The following ITGA9 variants were observed in gnomAD, a reference collection of about 807,000 sequenced individuals.
ITGA9 encodes the protein integrin subunit alpha 9.
In ITGA9, 56 loss-of-function variants were observed where a neutral mutation model predicts 127.8. The ratio of observed to expected loss-of-function variants is 0.44; its 90% CI spans 0.35 to 0.55. The LOEUF (loss-of-function observed/expected upper bound fraction) is 0.55, where lower values mean the gene tolerates loss of function less well. Among genes scored for constraint, ITGA9 ranks in the 20% least tolerant of loss-of-function variants. The probability of loss-of-function intolerance (pLI) is 0.00; values close to 1 mark genes in which losing one functional copy is unlikely to be tolerated. For missense variants in ITGA9, 1,196 were observed against 1,347.1 expected (o/e 0.89, Z 1.76); for synonymous variants, 508 against 514.5 (o/e 0.99, Z 0.17).
intron 17 of ITGA9, among the ~76,000 whole-genome samples, chr3:37,683,105 G>T (rs1473570880): frequency 6.6e-6 from 1 of 152,188 alleles, no homozygotes; most frequent in African/African-American, 2.4e-5. Context: ...GGGATCTGCT[G>T]CCCCAACTCC....
In ITGA9 at chr3:37,802,388, G is replaced by T. The variant is rs143346489; in HGVS notation, c.2890-1435G>T. 7.0e-3 allele frequency among the ~76,000 whole-genome samples: 1,067 copies of T among 152,280 alleles called. 3 individuals are homozygous for T. Among genetic ancestry groups the T allele is most frequent in the Non-Finnish European group, 0.01 (683 of 68,012 alleles). On this transcript the variant is annotated intron_variant, in intron 26 of 27. Coordinates refer to ENST00000264741, the MANE Select transcript of ITGA9 (RefSeq NM_002207.3). ...AGGGGCTGGACCAGTGGGCTTCAGC[G>T]ATCAGTGAGGCTTCTTGACAGAGGA...
chr3:37,641,308 C>T (rs11708693), intron 16 of ITGA9, among the ~76,000 whole-genome samples: 47,363 of 151,928 alleles, frequency 0.31, 7,462 homozygotes, highest in Admixed American at 0.37. Flanking sequence ...CCCTCCACCG[C>T]CCGTTCATGG....
chr3:37,523,020 T>C (rs1287875860), intron 11 of ITGA9, among the ~76,000 whole-genome samples: 1 of 152,234 alleles, frequency 6.6e-6, no homozygotes, highest in Admixed American at 6.5e-5. Context: ...CACATGGCCA[T>C]CTTTTCCAGC....
intron 12 of ITGA9, among the ~76,000 whole-genome samples, chr3:37,524,935 TGAA>T (rs1699078071): frequency 6.6e-6 from 1 of 152,240 alleles, no homozygotes; most frequent in African/African-American, 2.4e-5. Context: ...TAAAGACTAT[TGAA>T]GAACAAAATT....
intron 17 of ITGA9, among the ~76,000 whole-genome samples, chr3:37,678,213 G>A (rs1258626205): frequency 6.6e-6 from 1 of 152,140 alleles, no homozygotes; most frequent in East Asian, 1.9e-4. Context: ...TGGGTTATAT[G>A]ACAATTCTAT....
intron 18 of ITGA9, among the ~76,000 whole-genome samples, chr3:37,727,579 A>T (rs1696228429): frequency 6.6e-6 from 1 of 152,228 alleles, no homozygotes. Context: ...AAGGCAAAAG[A>T]TTATTTGCTT....
chr3:37,539,159 G>C (rs1029601221), intron 14 of ITGA9, among the ~76,000 whole-genome samples: 6 of 152,188 alleles, frequency 3.9e-5, no homozygotes, highest in Non-Finnish European at 8.8e-5. Context: ...TAAAGTTGGT[G>C]TTTGTAAATT....
chr3:37,787,019 T>A (rs1408420889), intron 26 of ITGA9, among the ~76,000 whole-genome samples: 1 of 152,252 alleles, frequency 6.6e-6, no homozygotes. Flanking sequence ...GGTCAGTTTT[T>A]CTGGCAGGTC....
At chr3:37,476,802 C>T (rs771220142) in intron 3 of ITGA9, among the ~76,000 whole-genome samples, 35 of 152,092 alleles carry the variant, frequency 2.3e-4, no homozygotes, top group Admixed American at 2.0e-4. Flanking sequence ...GCCATATGTC[C>T]CCTTTTATGG....
chr3:37,715,736 T>C (rs1326636708), intron 18 of ITGA9, among the ~76,000 whole-genome samples: 2 of 152,214 alleles, frequency 1.3e-5, no homozygotes, highest in East Asian at 3.9e-4. Context: ...AAGCATGAGA[T>C]AGGACGAGAG....
At position 37,823,399 on chromosome 3, in the gene ITGA9, G is replaced by A. The variant is rs1697536234; in HGVS notation, c.*4410G>A. 6.6e-6 allele frequency: 1 copy of A among 152,286 alleles called. No homozygotes were observed. Among genetic ancestry groups the A allele is most frequent in the South Asian group, 2.1e-4 (1 of 4,826 alleles). 9.4% of individuals were successfully genotyped at this position (152,286 alleles called of 1,614,324 possible). On this transcript the variant is annotated 3_prime_UTR_variant, in exon 28 of 28. Coordinates refer to ENST00000264741, the MANE Select transcript of ITGA9 (RefSeq NM_002207.3). Reference sequence around the variant, plus strand: ...GGGGGAGGTTGTGCTGCCTCACAATGTCACGTGTATTAAAGTCTAAGCAGT... The same window carrying A: ...GGGGGAGGTTGTGCTGCCTCACAATATCACGTGTATTAAAGTCTAAGCAGT...
chr3:37,534,317 G>C (rs1699187594), intron 14 of ITGA9, among the ~76,000 whole-genome samples: 2 of 152,314 alleles, frequency 1.3e-5, no homozygotes, highest in East Asian at 3.9e-4. Flanking sequence ...GACTCCTTTT[G>C]CTACTCACAG....
intron 15 of ITGA9, among the ~76,000 whole-genome samples, chr3:37,621,457 T>C (rs541942468): frequency 6.6e-6 from 1 of 152,222 alleles, no homozygotes; most frequent in Admixed American, 6.5e-5. Context: ...CCACTGCTGC[T>C]ATATTCCATG....
intron 15 of ITGA9, among the ~76,000 whole-genome samples, chr3:37,558,164 G>A (rs927606417): frequency 1.3e-5 from 2 of 152,220 alleles, no homozygotes; most frequent in Admixed American, 1.3e-4. Flanking sequence ...GCAGGCAGGA[G>A]TCCTGGGGAC....
chr3:37,584,932 C>T (rs1699743192), intron 15 of ITGA9, among the ~76,000 whole-genome samples: 1 of 152,036 alleles, frequency 6.6e-6, no homozygotes, highest in African/African-American at 2.4e-5. Context: ...TGCTTTGTGC[C>T]CTTGGGAGGC....
chr3:37,666,384 C>T (rs967759916), intron 17 of ITGA9, among the ~76,000 whole-genome samples: 6 of 152,218 alleles, frequency 3.9e-5, no homozygotes, highest in African/African-American at 1.4e-4. Context: ...CCCAGAACTC[C>T]ATGACTTAAA....
intron 18 of ITGA9, among the ~76,000 whole-genome samples, chr3:37,719,235 G>T (rs1176619051): frequency 6.6e-6 from 1 of 152,130 alleles, no homozygotes; most frequent in Non-Finnish European, 1.5e-5. Flanking sequence ...CCTAGAAGTG[G>T]ATACCAGTTC....
At chr3:37,657,686 A>G (rs1461024123) in intron 17 of ITGA9, among the ~76,000 whole-genome samples, 5 of 141,786 alleles carry the variant, frequency 3.5e-5, no homozygotes, top group African/African-American at 1.3e-4. Context: ...TCATGTCTCT[A>G]TCTCCTTCAG....
intron 3 of ITGA9, among the ~76,000 whole-genome samples, chr3:37,476,841 A>G (rs952480357): frequency 4.6e-5 from 7 of 152,188 alleles, no homozygotes; most frequent in African/African-American, 9.7e-5. Flanking sequence ...GACCAAATCT[A>G]CCCACTTTCA....
Sources: gnomAD v4.1 joint callset for allele counts (sites outside exome capture counted in the v4.1 genomes callset) on GRCh38, gnomAD v4.1.1 for gene constraint, MANE v1.5 for transcripts, NCBI Gene and HGNC (gene_info 2026-07-23, HGNC 2026-07-21) for gene names.